The following TENM3 variants were observed in gnomAD, a reference collection of about 807,000 sequenced individuals.
TENM3 encodes teneurin-3.
Under a neutral mutation model 255.1 loss-of-function variants are expected in TENM3, and 63 were observed. That is an observed-to-expected ratio of 0.25 (90% CI 0.20 to 0.30). The LOEUF is 0.30. Among genes scored for constraint, TENM3 ranks in the 10% least tolerant of loss-of-function variants. TENM3 has a pLI of 1.00. For synonymous variants in TENM3, 1,306 were observed against 1,322.3 expected (o/e 0.99, Z 0.27); for missense variants, 2,929 against 3,461.1 (o/e 0.85, Z 3.86).
chr4:182,473,439 C>T (rs947681422), intron 3 of TENM3, among the ~76,000 whole-genome samples: 5 of 152,268 alleles, frequency 3.3e-5, no homozygotes, highest in South Asian at 4.1e-4. Context: ...TTTGGGAGGC[C>T]AAGGCGGGTG....
chr4:181,595,567 T>C, the TENM3 span, among the ~76,000 whole-genome samples: 115 of 151,954 alleles, frequency 7.6e-4, no homozygotes, highest in African/African-American at 2.6e-3. Context: ...GTTAGTGATA[T>C]ACAATCTCAG....
chr4:182,047,969 G>T, the TENM3 span, among the ~76,000 whole-genome samples: 15 of 152,100 alleles, frequency 9.9e-5, no homozygotes, highest in Non-Finnish European at 1.5e-5. Flanking sequence ...TCGATTCCCC[G>T]CAGTGGCCCC....
chr4:181,543,999 C>T, the TENM3 span, among the ~76,000 whole-genome samples: 1 of 152,216 alleles, frequency 6.6e-6, no homozygotes, highest in South Asian at 2.1e-4. Context: ...AATATTTACA[C>T]AGTTTTTAAA....
chr4:182,617,569 G>A (rs1482375812), intron 4 of TENM3, among the ~76,000 whole-genome samples: 2 of 152,152 alleles, frequency 1.3e-5, no homozygotes, highest in African/African-American at 4.8e-5. Flanking sequence ...CTGGAAGGAA[G>A]AAGAACCTAT....
Position 182,159,447 on chromosome 4 carries a change from AGTGTGTGTGT to A in TENM3, c.-76+14722_-76+14731del, listed in dbSNP as rs67981646. Reference sequence around the variant, plus strand: ...CAGTGAGCAATGGATAGTGTGTATGAGTGTGTGTGTGTGTGTGTGTGTGTGTGTGTGTGTG... The same window carrying A: ...CAGTGAGCAATGGATAGTGTGTATGAGTGTGTGTGTGTGTGTGTGTGTGTG... On this transcript the variant is annotated intron_variant, in intron 1 of 2. Coordinates refer to the TENM3 transcript ENST00000512480. Among the ~76,000 whole-genome samples the A allele has an allele frequency of 0.012, 1,622 of 130,750 alleles. 115 individuals are homozygous for A. The East Asian group carries it at 0.22, about 18-fold the overall frequency. 85.8% of individuals were successfully genotyped at this position (130,750 alleles called of 152,430 possible).
the TENM3 span, among the ~76,000 whole-genome samples, chr4:181,447,902 C>T: frequency 6.6e-6 from 1 of 152,212 alleles, no homozygotes; most frequent in Admixed American, 6.5e-5. Context: ...ACTATTTTCT[C>T]TCTTTATACC....
chr4:181,899,661 G>T, the TENM3 span, among the ~76,000 whole-genome samples: 2 of 151,776 alleles, frequency 1.3e-5, no homozygotes, highest in Non-Finnish European at 2.9e-5. Flanking sequence ...TCTGCCTCCC[G>T]GGTTCAAGTG....
At chr4:182,054,855 G>A in the TENM3 span, among the ~76,000 whole-genome samples, 1 of 152,052 alleles carries the variant, frequency 6.6e-6, no homozygotes, top group Admixed American at 6.6e-5. Flanking sequence ...AGAAGGAGAG[G>A]TCATAGGAGA....
At chr4:181,473,828 G>A in the TENM3 span, among the ~76,000 whole-genome samples, 60 of 75,616 alleles carry the variant, frequency 7.9e-4, no homozygotes, top group African/African-American at 2.4e-3. Context: ...CAGTATATAT[G>A]TATACTGTAT....
intron 3 of TENM3, among the ~76,000 whole-genome samples, chr4:182,493,972 G>A (rs928850408): frequency 8.5e-5 from 13 of 152,058 alleles, no homozygotes; most frequent in African/African-American, 3.1e-4. Flanking sequence ...AATTAATAAA[G>A]TAAAATTAAT....
intron 13 of TENM3, among the ~76,000 whole-genome samples, chr4:182,722,837 G>A (rs1759852580): frequency 6.6e-6 from 1 of 152,162 alleles, no homozygotes; most frequent in Non-Finnish European, 1.5e-5. Flanking sequence ...TTCAGGGAAA[G>A]AGAAAGAAAT....
At chr4:181,919,637 C>G in the TENM3 span, among the ~76,000 whole-genome samples, 2 of 152,004 alleles carry the variant, frequency 1.3e-5, no homozygotes, top group Non-Finnish European at 2.9e-5. Flanking sequence ...GGGTGCCCTT[C>G]CTAGTCCTGT....
chr4:182,015,348 G>T, the TENM3 span, among the ~76,000 whole-genome samples: 1 of 152,110 alleles, frequency 6.6e-6, no homozygotes, highest in Non-Finnish European at 1.5e-5. Flanking sequence ...CTTTTGTCTT[G>T]TTCGAATGTT....
intron 5 of TENM3, among the ~76,000 whole-genome samples, chr4:182,642,905 A>C (rs1198424624): frequency 6.6e-6 from 1 of 152,250 alleles, no homozygotes; most frequent in Non-Finnish European, 1.5e-5. Flanking sequence ...TGTTGAAATA[A>C]TATTAGCCTT....
intron 3 of TENM3, among the ~76,000 whole-genome samples, chr4:182,441,331 G>C (rs1372504204): frequency 6.6e-6 from 1 of 152,182 alleles, no homozygotes; most frequent in Non-Finnish European, 1.5e-5. Flanking sequence ...GACACAGACA[G>C]ACAGACAGAA....
At chr4:181,623,687 T>G in the TENM3 span, among the ~76,000 whole-genome samples, 1 of 152,230 alleles carries the variant, frequency 6.6e-6, no homozygotes, top group Non-Finnish European at 1.5e-5. Context: ...GCTATAGGCT[T>G]TCTTATGCTT....
chr4:182,066,600 ATATATATATAT>A, the TENM3 span, among the ~76,000 whole-genome samples: 1 of 118,686 alleles, frequency 8.4e-6, no homozygotes, highest in South Asian at 2.5e-4. Context: ...TAAAAAAAAA[ATATATATATAT>A]ATATATATAT....
At chr4:181,993,734 A>G in the TENM3 span, among the ~76,000 whole-genome samples, 1 of 152,164 alleles carries the variant, frequency 6.6e-6, no homozygotes, top group Admixed American at 6.6e-5. Context: ...AAATAATTTT[A>G]TTAATTATTA....
chr4:181,821,387 T>G, the TENM3 span, among the ~76,000 whole-genome samples: 2 of 152,198 alleles, frequency 1.3e-5, no homozygotes, highest in African/African-American at 4.8e-5. Flanking sequence ...TCATCTTATA[T>G]CCTGCGATAT....
Sources: gnomAD v4.1 joint callset for allele counts (sites outside exome capture counted in the v4.1 genomes callset) on GRCh38, gnomAD v4.1.1 for gene constraint, MANE v1.5 for transcripts, NCBI Gene and HGNC (gene_info 2026-07-23, HGNC 2026-07-21) for gene names.